Variants in OPCML observed in about 807,000 individuals in gnomAD.
OPCML encodes the protein opioid binding protein/cell adhesion molecule like.
In OPCML, 13 loss-of-function variants were observed where a neutral mutation model predicts 37.8. The observed-to-expected ratio is 0.34, with a 90% CI of 0.22 to 0.55. The LOEUF is 0.55. Ranked by LOEUF, OPCML falls within the 20% of genes least tolerant of loss-of-function variation. OPCML has a pLI of 0.91. For missense variants in OPCML, 341 were observed against 435.6 expected (o/e 0.78, Z 1.93); for synonymous variants, 176 against 168.8 (o/e 1.04, Z -0.33).
intron 3 of OPCML, among the ~76,000 whole-genome samples, chr11:132,544,883 A>C (rs1472698847): frequency 6.6e-6 from 1 of 152,146 alleles, no homozygotes; most frequent in African/African-American, 2.4e-5. Flanking sequence ...CGCTGTACTC[A>C]GGGAAGCTGG....
intron 1 of OPCML, among the ~76,000 whole-genome samples, chr11:133,357,394 G>A (rs1418374272): frequency 1.3e-5 from 2 of 152,172 alleles, no homozygotes; most frequent in Non-Finnish European, 2.9e-5. Flanking sequence ...ATGGCACTAT[G>A]TTTGACATAA....
chr11:133,006,612 A>G (rs1506875), intron 1 of OPCML: 466,337 of 985,194 alleles, frequency 0.47, 110,617 homozygotes, highest in South Asian at 0.64. Flanking sequence ...ACCATGCCCC[A>G]CTGGCCAGAA....
At chr11:133,400,343 A>T (rs1488107790) in intron 1 of OPCML, among the ~76,000 whole-genome samples, 2 of 152,208 alleles carry the variant, frequency 1.3e-5, no homozygotes, top group African/African-American at 4.8e-5. Flanking sequence ...TATTTCAGGG[A>T]GATAGTTTAC....
At chr11:133,111,376 T>C (rs1057009507) in intron 1 of OPCML, among the ~76,000 whole-genome samples, 7 of 152,184 alleles carry the variant, frequency 4.6e-5, no homozygotes, top group South Asian at 2.1e-4. Flanking sequence ...CCCTTTCTTT[T>C]GCTTCTGGCT....
At chr11:133,420,692 G>T (rs1945868377) in intron 1 of OPCML, 5 of 985,216 alleles carry the variant, frequency 5.1e-6, no homozygotes, top group Non-Finnish European at 4.8e-6. Context: ...ATGCATCTAG[G>T]CCTACCCTAA....
At chr11:133,276,368 G>C (rs535163531) in intron 1 of OPCML, among the ~76,000 whole-genome samples, 20 of 152,300 alleles carry the variant, frequency 1.3e-4, no homozygotes, top group African/African-American at 4.8e-4. Context: ...GGGGCCAAGT[G>C]GGGAGGTTCT....
chr11:132,502,838 C>T (rs2096248498), intron 4 of OPCML, among the ~76,000 whole-genome samples: 1 of 152,126 alleles, frequency 6.6e-6, no homozygotes, highest in East Asian at 1.9e-4. Flanking sequence ...GAGTGGGGCG[C>T]CTTGGCTTAA....
chr11:133,131,229 C>T (rs1284174761), intron 1 of OPCML, among the ~76,000 whole-genome samples: 2 of 152,092 alleles, frequency 1.3e-5, no homozygotes, highest in Non-Finnish European at 2.9e-5. Context: ...AAATAAATGT[C>T]TATTTCCTAC....
At chr11:132,630,573 G>A (rs1012197735) in intron 3 of OPCML, among the ~76,000 whole-genome samples, 1 of 152,066 alleles carries the variant, frequency 6.6e-6, no homozygotes, top group African/African-American at 2.4e-5. Flanking sequence ...TGAGAGCAGA[G>A]AGCATATACC....
chr11:132,434,187 T>TG (rs1380880281), intron 7 of OPCML, among the ~76,000 whole-genome samples: 3 of 152,292 alleles, frequency 2.0e-5, no homozygotes, highest in African/African-American at 7.2e-5. Flanking sequence ...GACTAAGGCA[T>TG]GGGTGTTCCT....
intron 4 of OPCML, among the ~76,000 whole-genome samples, chr11:132,517,686 C>T (rs925831293): frequency 6.6e-6 from 1 of 152,152 alleles, no homozygotes; most frequent in Non-Finnish European, 1.5e-5. Context: ...GAAGGCTTTA[C>T]AACATACAGC....
rs556409949 is a variant in OPCML, at chr11:132,640,161, A to C, written c.379+16926T>G. Among the ~76,000 whole-genome samples, 92 of 152,294 alleles carry C rather than the reference A, an allele frequency of 6.0e-4. No individual in the cohort carries two copies. In the Middle Eastern group the frequency reaches 0.017, roughly 28 times the overall value. On this transcript the variant is annotated intron_variant, in intron 3 of 7. Coordinates refer to ENST00000524381, the MANE Select transcript of OPCML (RefSeq NM_001012393.5). ...ACAGACTTCCACAGCAAGAAATGGGAGGAGAAAGAGCGAGGCAGGATGCAT... is the reference window on the plus strand; with the variant it reads ...ACAGACTTCCACAGCAAGAAATGGGCGGAGAAAGAGCGAGGCAGGATGCAT...
intron 2 of OPCML, among the ~76,000 whole-genome samples, chr11:132,714,677 G>A (rs1944401493): frequency 6.6e-6 from 1 of 152,178 alleles, no homozygotes; most frequent in South Asian, 2.1e-4. Flanking sequence ...TTATCGAAGA[G>A]TCTTTTAATG....
At chr11:132,452,125 C>T (rs560082465) in intron 4 of OPCML, among the ~76,000 whole-genome samples, 13 of 152,284 alleles carry the variant, frequency 8.5e-5, no homozygotes, top group African/African-American at 3.1e-4. Flanking sequence ...TGCCCCATCC[C>T]CAAAAATGTG....
chr11:132,639,914 T>G (rs2135718500), intron 3 of OPCML, among the ~76,000 whole-genome samples: 1 of 152,354 alleles, frequency 6.6e-6, no homozygotes, highest in South Asian at 2.1e-4. Context: ...GAGCATTTAC[T>G]CACTAGAGGC....
intron 2 of OPCML, among the ~76,000 whole-genome samples, chr11:132,820,740 C>T (rs1939931089): frequency 6.6e-6 from 1 of 152,096 alleles, no homozygotes. Flanking sequence ...CAGAAGGAAA[C>T]ACCAGCAATA....
chr11:132,843,346 G>A (rs544563405), intron 2 of OPCML, among the ~76,000 whole-genome samples: 5 of 152,026 alleles, frequency 3.3e-5, no homozygotes, highest in African/African-American at 4.8e-5. Context: ...TGATCCACCC[G>A]CCTTGGCCTC....
At chr11:132,907,501 C>T (rs540146707) in intron 2 of OPCML, among the ~76,000 whole-genome samples, 1 of 152,000 alleles carries the variant, frequency 6.6e-6, no homozygotes, top group Non-Finnish European at 1.5e-5. Flanking sequence ...CATGGTGGCA[C>T]ACCCTTGTAT....
intron 2 of OPCML, among the ~76,000 whole-genome samples, chr11:132,689,590 C>T (rs1943318050): frequency 6.6e-6 from 1 of 152,164 alleles, no homozygotes; most frequent in African/African-American, 2.4e-5. Flanking sequence ...GGCTCAATGT[C>T]ATAAATTGAT....
Sources: gnomAD v4.1 joint callset for allele counts (sites outside exome capture counted in the v4.1 genomes callset) on GRCh38, gnomAD v4.1.1 for gene constraint, MANE v1.5 for transcripts, NCBI Gene and HGNC (gene_info 2026-07-23, HGNC 2026-07-21) for gene names.